The following OGFRL1 variants were observed in gnomAD, a reference collection of about 807,000 sequenced individuals.
OGFRL1 encodes the protein opioid growth factor receptor-like protein 1.
In OGFRL1, 26 loss-of-function variants were observed where a neutral mutation model predicts 32.4. The observed-to-expected ratio is 0.80, with a 90% CI of 0.59 to 1.11. OGFRL1 has a LOEUF of 1.11. Ranked by LOEUF, OGFRL1 falls within the 50% of genes most tolerant of loss-of-function variation. The probability of loss-of-function intolerance (pLI) is 0.00; values close to 1 mark genes in which losing one functional copy is unlikely to be tolerated. For missense variants in OGFRL1, 521 were observed against 546.4 expected, an observed-to-expected ratio of 0.95 and a Z score of 0.46; for synonymous variants, 211 against 201.2, an observed-to-expected ratio of 1.05 and a Z score of -0.41.
chr6:71,289,128 C>T lies in OGFRL1; in HGVS notation c.192C>T (p.Ser64=), dbSNP rs1457519339. The T allele has an allele frequency of 2.7e-6, 3 of 1,108,070 alleles. No homozygotes were observed. The highest frequency in any genetic ancestry group is 2.2e-6 in the Non-Finnish European group (2 of 910,808). The allele number at this position is 1,108,070 out of a possible 1,614,324, so 68.6% of individuals were successfully genotyped here. The change falls in exon 1 of 7, where the codon AGC becomes AGT. Residue 64 remains serine, a synonymous_variant. Coordinates refer to ENST00000370435, the MANE Select transcript of OGFRL1 (RefSeq NM_024576.5). ...PEQAGGRPGA[S]PAPDEDAEAA... ...AAGCCGGCGGGCGGCCCGGCGCCAGCCCCGCGCCGGACGAGGACGCCGAGG... is the reference window on the plus strand; with the variant it reads ...AAGCCGGCGGGCGGCCCGGCGCCAGTCCCGCGCCGGACGAGGACGCCGAGG...
In OGFRL1 at chr6:71,293,274, G is replaced by A; in HGVS notation, c.235-19G>A. 4 of 1,603,504 alleles carry A rather than the reference G, an allele frequency of 2.5e-6. No individual in the cohort carries two copies. Among genetic ancestry groups the A allele is most frequent in the Non-Finnish European group, 2.6e-6 (3 of 1,171,652 alleles). ...TATCTTGCGTCAACATGTAAACGGAGTTTCACCTTTTATTTCAGGGTGGTG... is the reference window on the plus strand; with the variant it reads ...TATCTTGCGTCAACATGTAAACGGAATTTCACCTTTTATTTCAGGGTGGTG... On this transcript the variant is annotated intron_variant, in intron 1 of 6. Coordinates refer to ENST00000370435, the MANE Select transcript of OGFRL1 (RefSeq NM_024576.5).
Position 71,294,623 on chromosome 6 carries a change from A to T in OGFRL1, c.400+1012A>T, listed in dbSNP as rs147806287. 4.3e-3 allele frequency among the ~76,000 whole-genome samples: 648 copies of T among 152,316 alleles called. 5 individuals are homozygous for T. Among genetic ancestry groups the T allele is most frequent in the African/African-American group, 0.014 (592 of 41,566 alleles). ...TTGAGAACATCGTTGACGTGGCCAG[A>T]TCTACTTGTCTTTAACTTTCTGGTG... On this transcript the variant is annotated intron_variant, in intron 3 of 6. Coordinates refer to ENST00000370435, the MANE Select transcript of OGFRL1 (RefSeq NM_024576.5).
chr6:71,301,465 C>T lies in OGFRL1; in HGVS notation c.772C>T (p.Leu258Phe). 1 of 1,612,632 alleles carries T rather than the reference C, an allele frequency of 6.2e-7. No individual in the cohort carries two copies. Among genetic ancestry groups the T allele is most frequent in the Non-Finnish European group, 8.5e-7 (1 of 1,179,612 alleles). The change falls in exon 7 of 7, where the codon CTT becomes TTT. Residue 258 changes from leucine (L) to phenylalanine (F), a missense_variant. Leu to Phe is a conservative substitution (Grantham distance 22). Coordinates refer to ENST00000370435, the MANE Select transcript of OGFRL1 (RefSeq NM_024576.5). ...ELGYESFKSPLVKFILHEALV... is the reference protein window; with the variant it reads ...ELGYESFKSPFVKFILHEALV... ...TGGATATGAAAGTTTTAAATCTCCT[C>T]TTGTAAAATTTATTCTTCATGAAGC...
At chr6:71,290,670 C>T (rs374148316) in intron 1 of OGFRL1, among the ~76,000 whole-genome samples, 5 of 152,320 alleles carry the variant, frequency 3.3e-5, no homozygotes, top group African/African-American at 1.2e-4. Context: ...ACTGCCAACC[C>T]TATTTGTTGT....
At position 71,296,437 on chromosome 6, in the gene OGFRL1, T is replaced by C. The variant is rs763793391; in HGVS notation, c.479+42T>C. The C allele has an allele frequency of 1.9e-6, 3 of 1,595,758 alleles. No individual in the cohort carries two copies. In the Admixed American group the frequency reaches 5.1e-5, roughly 27 times the overall value. On this transcript the variant is annotated intron_variant, in intron 4 of 6. Transcript: ENST00000370435. Reference sequence around the variant, plus strand: ...CTATCTTGAACCATGTCCTATTTAATCATGTATGTTTTCCAGACAACGTTA... The same window carrying C: ...CTATCTTGAACCATGTCCTATTTAACCATGTATGTTTTCCAGACAACGTTA...
rs1044762 is a variant in OGFRL1 at position 71,308,150 on chromosome 6, T to C, written c.*6101T>C. ...CAAGTTTAATTCCTTTGCCTGTGTG[T>C]AGCAACAGTTGGTAGTTTTACAAGT... is the stretch of plus-strand genomic sequence containing the variant. On this transcript the variant is annotated 3_prime_UTR_variant, in exon 7 of 7. Transcript: ENST00000370435. 36,542 of 152,168 alleles carry C rather than the reference T, an allele frequency of 0.24. 4,590 individuals carry two copies. The highest frequency in any genetic ancestry group is 0.34 in the East Asian group (1,747 of 5,164). 9.4% of individuals were successfully genotyped at this position (152,168 alleles called of 1,614,324 possible). A position where few individuals can be genotyped will look rare whatever the true frequency, so the allele number is the denominator to read the frequency against.
At chr6:71,289,516 A>T (rs1765973761) in intron 1 of OGFRL1, 1 of 729,610 alleles carries the variant, frequency 1.4e-6, no homozygotes, top group East Asian at 1.5e-4. Context: ...AAAATAGAGG[A>T]TTTTGACAAC....
In OGFRL1 at chr6:71,304,620, G is replaced by A. The variant is rs1766491896; in HGVS notation, c.*2571G>A. Reference sequence around the variant, plus strand: ...AATTACTTAGAAATTGTATATTAGAGCCCTTATGAGTAAAAACATTTCATT... The same window carrying A: ...AATTACTTAGAAATTGTATATTAGAACCCTTATGAGTAAAAACATTTCATT... On this transcript the variant is annotated 3_prime_UTR_variant, in exon 7 of 7. Coordinates refer to ENST00000370435, the MANE Select transcript of OGFRL1 (RefSeq NM_024576.5). 6.6e-6 allele frequency: 1 copy of A among 151,996 alleles called. No homozygotes were observed. Among genetic ancestry groups the A allele is most frequent in the Admixed American group, 6.6e-5 (1 of 15,258 alleles). The allele number at this position is 151,996 out of a possible 1,614,324, so 9.4% of individuals were successfully genotyped here.
intron 1 of OGFRL1, among the ~76,000 whole-genome samples, chr6:71,290,626 C>G (rs1236815235): frequency 2.0e-5 from 3 of 152,214 alleles, no homozygotes; most frequent in Non-Finnish European, 4.4e-5. Context: ...CATCTGACTT[C>G]CCCAAAAAAT....
In OGFRL1 at chr6:71,302,056, A is replaced by G. The variant is rs773316142; in HGVS notation, c.*7A>G. On this transcript the variant is annotated 3_prime_UTR_variant, in exon 7 of 7. Transcript: ENST00000370435. ...TGTTGTACTAGTACAGTGAATTATC[A>G]GAAAACCCAGAAGCCAGTTTAGGCT... The G allele has an allele frequency of 4.9e-5, 73 of 1,502,008 alleles. No individual in the cohort carries two copies. The highest frequency in any genetic ancestry group is 6.1e-5 in the Non-Finnish European group (69 of 1,136,486). 93.0% of individuals were successfully genotyped at this position (1,502,008 alleles called of 1,614,324 possible). A position where few individuals can be genotyped will look rare whatever the true frequency, so the allele number is the denominator to read the frequency against.
In OGFRL1 at chr6:71,296,449, T is replaced by C. The variant is rs757657644; in HGVS notation, c.480-46T>C. ...ATGTCCTATTTAATCATGTATGTTT[T>C]CCAGACAACGTTAATAGAAAAATTT... On this transcript the variant is annotated intron_variant, in intron 4 of 6. Transcript: ENST00000370435. 3.1e-6 allele frequency: 5 copies of C among 1,595,078 alleles called. No homozygotes were observed. In the South Asian group the frequency reaches 5.7e-5, roughly 18 times the overall value.
chr6:71,299,114 T>G (rs1766305610), intron 6 of OGFRL1, among the ~76,000 whole-genome samples: 1 of 152,190 alleles, frequency 6.6e-6, no homozygotes, highest in Non-Finnish European at 1.5e-5. Context: ...TGAGCCATAT[T>G]TAGACCCTGG....
chr6:71,301,483 C>T lies in OGFRL1; in HGVS notation c.790C>T (p.His264Tyr). 6.2e-7 allele frequency: 1 copy of T among 1,613,402 alleles called. No homozygotes were observed. Among genetic ancestry groups the T allele is most frequent in the Non-Finnish European group, 8.5e-7 (1 of 1,179,834 alleles). Residue 264 changes from histidine to tyrosine, a missense_variant, in exon 7 of 7, where the codon CAT becomes TAT. His to Tyr is a moderately conservative substitution (Grantham distance 83). Coordinates refer to ENST00000370435, the MANE Select transcript of OGFRL1 (RefSeq NM_024576.5). ...FKSPLVKFIL[H>Y]EALVENTIPN... is the part of the protein sequence containing the mutation. Reference sequence around the variant, plus strand: ...ATCTCCTCTTGTAAAATTTATTCTTCATGAAGCTCTTGTGGAGAATACTAT... The same window carrying T: ...ATCTCCTCTTGTAAAATTTATTCTTTATGAAGCTCTTGTGGAGAATACTAT...
intron 1 of OGFRL1, chr6:71,289,525 AC>A (rs1402123569): frequency 3.3e-6 from 3 of 903,146 alleles, no homozygotes; most frequent in African/African-American, 2.0e-5. Context: ...GATTTTGACA[AC>A]CCCTCTAGTG....
chr6:71,298,112 G>A (rs1766271112), intron 6 of OGFRL1, among the ~76,000 whole-genome samples: 1 of 151,916 alleles, frequency 6.6e-6, no homozygotes, highest in African/African-American at 2.4e-5. Flanking sequence ...TAAAATGGTA[G>A]TTTGTACTAA....
At chr6:71,292,040 T>C (rs1051960127) in intron 1 of OGFRL1, 2 of 152,212 alleles carry the variant, frequency 1.3e-5, no homozygotes, top group African/African-American at 4.8e-5. Flanking sequence ...AAGAATCAAA[T>C]GAAATAATGC....
At chr6:71,298,793 G>A (rs1324846786) in intron 6 of OGFRL1, among the ~76,000 whole-genome samples, 5 of 152,148 alleles carry the variant, frequency 3.3e-5, no homozygotes, top group Non-Finnish European at 4.4e-5. Flanking sequence ...AAATGATAGA[G>A]GATTCTATGA....
chr6:71,305,041 G>A lies in OGFRL1; in HGVS notation c.*2992G>A, dbSNP rs910531325. ...TATGTTTTGTAATTTTAAAAACTAC[G>A]ATATGCTTGCAGAAATTCATTGAGA... is the stretch of plus-strand genomic sequence containing the variant. On this transcript the variant is annotated 3_prime_UTR_variant, in exon 7 of 7. Coordinates refer to ENST00000370435, the MANE Select transcript of OGFRL1 (RefSeq NM_024576.5). The A allele has an allele frequency of 6.6e-6, 1 of 151,958 alleles. No individual in the cohort carries two copies. The allele number at this position is 151,958 out of a possible 1,614,324, so 9.4% of individuals were successfully genotyped here.
chr6:71,292,257 A>G (rs1766073796), intron 1 of OGFRL1, among the ~76,000 whole-genome samples: 1 of 152,212 alleles, frequency 6.6e-6, no homozygotes, highest in South Asian at 2.1e-4. Context: ...GTAACATGAC[A>G]GCGTAACTAA....
Sources: gnomAD v4.1 joint callset for allele counts (sites outside exome capture counted in the v4.1 genomes callset) on GRCh38, gnomAD v4.1.1 for gene constraint, MANE v1.5 for transcripts, NCBI Gene and HGNC (gene_info 2026-07-23, HGNC 2026-07-21) for gene names.